The following GAS2 variants were observed in gnomAD, a reference collection of about 807,000 sequenced individuals.
GAS2 encodes the protein growth arrest-specific protein 2.
GAS2 carries 20 observed loss-of-function variants against 37.5 expected under a neutral mutation model. The observed-to-expected ratio is 0.53, with a 90% confidence interval of 0.37 to 0.77. The LOEUF (loss-of-function observed/expected upper bound fraction) is 0.77. GAS2 is among the 30% of genes least tolerant of loss of function. The pLI is 0.00. For missense variants in GAS2, 336 were observed against 373.4 expected, an observed-to-expected ratio of 0.90 and a Z score of 0.82; for synonymous variants, 144 against 132.2, an observed-to-expected ratio of 1.09 and a Z score of -0.61.
At chr11:22,704,433 G>T (rs1851000071) in intron 3 of GAS2, among the ~76,000 whole-genome samples, 1 of 151,250 alleles carries the variant, frequency 6.6e-6, no homozygotes, top group African/African-American at 2.4e-5. Context: ...AAGTAGAGAA[G>T]AGAGTAAACC....
chr11:22,684,519 C>A (rs947350563), intron 2 of GAS2, among the ~76,000 whole-genome samples: 4 of 151,888 alleles, frequency 2.6e-5, no homozygotes, highest in Non-Finnish European at 4.4e-5. Context: ...AAAATTAAGG[C>A]AGGAAAATGG....
chr11:22,689,053 C>G (rs1251708729), intron 3 of GAS2, among the ~76,000 whole-genome samples: 2 of 152,024 alleles, frequency 1.3e-5, no homozygotes, highest in Non-Finnish European at 2.9e-5. Flanking sequence ...CAAATGGTCT[C>G]ACATATAAGT....
intron 3 of GAS2, among the ~76,000 whole-genome samples, chr11:22,689,717 C>T (rs1850144515): frequency 6.6e-6 from 1 of 152,042 alleles, no homozygotes; most frequent in Admixed American, 6.6e-5. Context: ...CACTACAACC[C>T]AGGTAATTAG....
intron 3 of GAS2, among the ~76,000 whole-genome samples, chr11:22,704,204 G>A (rs1462957516): frequency 6.6e-6 from 1 of 151,918 alleles, no homozygotes; most frequent in Non-Finnish European, 1.5e-5. Flanking sequence ...AAGTGCTTTT[G>A]TGCCATGTTC....
intron 7 of GAS2, among the ~76,000 whole-genome samples, chr11:22,796,385 C>CT (rs1856429774): frequency 6.6e-6 from 1 of 152,076 alleles, no homozygotes; most frequent in Non-Finnish European, 1.5e-5. Context: ...CTCTGTCACT[C>CT]TTAGTTACAA....
chr11:22,800,966 C>T (rs1856636621), intron 7 of GAS2, among the ~76,000 whole-genome samples: 1 of 151,740 alleles, frequency 6.6e-6, no homozygotes, highest in Admixed American at 6.6e-5. Flanking sequence ...TTTTCTGGCT[C>T]TCCTATGTGG....
intron 3 of GAS2, among the ~76,000 whole-genome samples, chr11:22,707,898 G>A (rs564658095): frequency 1.2e-4 from 19 of 152,270 alleles, no homozygotes; most frequent in South Asian, 6.2e-4. Flanking sequence ...TTAATCTGAG[G>A]TTGATGTGTA....
chr11:22,739,595 A>C (rs1852956435), intron 5 of GAS2, among the ~76,000 whole-genome samples: 1 of 142,900 alleles, frequency 7.0e-6, no homozygotes, highest in Non-Finnish European at 1.5e-5. Flanking sequence ...AAAAAAAAAA[A>C]AAGAAAGGGG....
chr11:22,658,579 C>G (rs571550311), intron 1 of GAS2, among the ~76,000 whole-genome samples: 1 of 152,234 alleles, frequency 6.6e-6, no homozygotes, highest in African/African-American at 2.4e-5. Flanking sequence ...TAGGGGGTTT[C>G]CTTGTCTGTT....
At chr11:22,681,985 G>A (rs567335430) in intron 2 of GAS2, among the ~76,000 whole-genome samples, 7 of 151,924 alleles carry the variant, frequency 4.6e-5, no homozygotes, top group East Asian at 1.9e-4. Flanking sequence ...ATCATTGGAA[G>A]GAAAATATGT....
chr11:22,726,680 T>C (rs1438413859), intron 4 of GAS2, among the ~76,000 whole-genome samples: 2 of 152,120 alleles, frequency 1.3e-5, no homozygotes, highest in East Asian at 3.9e-4. Flanking sequence ...AGCAGAATTC[T>C]TTCCAAGCTA....
At chr11:22,768,582 A>G (rs1457268488) in intron 7 of GAS2, among the ~76,000 whole-genome samples, 1 of 151,906 alleles carries the variant, frequency 6.6e-6, no homozygotes, top group Non-Finnish European at 1.5e-5. Flanking sequence ...GGGACCACAA[A>G]CTCCGTGGGA....
intron 3 of GAS2, among the ~76,000 whole-genome samples, chr11:22,722,195 G>T (rs374421074): frequency 2.0e-4 from 31 of 151,950 alleles, no homozygotes; most frequent in African/African-American, 7.2e-4. Context: ...ATTTTTTTCT[G>T]TTTATTGCCA....
intron 3 of GAS2, among the ~76,000 whole-genome samples, chr11:22,712,331 C>T (rs559314832): frequency 2.6e-5 from 4 of 152,282 alleles, no homozygotes; most frequent in African/African-American, 4.8e-5. Flanking sequence ...GAGCAGGTTC[C>T]GGCATCCACA....
chr11:22,713,050 G>A (rs1417008064), intron 3 of GAS2, among the ~76,000 whole-genome samples: 2 of 136,338 alleles, frequency 1.5e-5, no homozygotes, highest in East Asian at 4.1e-4. Context: ...CTGATCAGCA[G>A]GGTGAGACTG....
intron 5 of GAS2, among the ~76,000 whole-genome samples, chr11:22,740,308 G>C (rs772248974): frequency 1.5e-4 from 23 of 152,120 alleles, no homozygotes; most frequent in Non-Finnish European, 2.5e-4. Flanking sequence ...GATAAAAGCA[G>C]TGATTATTCA....
chr11:22,693,572 C>T (rs751681659), intron 3 of GAS2, among the ~76,000 whole-genome samples: 3 of 152,082 alleles, frequency 2.0e-5, no homozygotes, highest in Non-Finnish European at 4.4e-5. Flanking sequence ...GAACTTATTC[C>T]ATGTGTCAAG....
intron 7 of GAS2, among the ~76,000 whole-genome samples, chr11:22,802,247 G>A (rs958500910): frequency 4.0e-5 from 6 of 151,648 alleles, no homozygotes; most frequent in African/African-American, 1.2e-4. Flanking sequence ...TCACAGGTGG[G>A]AATTGAACAA....
chr11:22,811,803 G>A lies in GAS2; in HGVS notation c.729G>A (p.Leu243=). The change falls in exon 8 of 8, where the codon CTG becomes CTA. Residue 243 remains leucine, a synonymous_variant. Coordinates refer to ENST00000454584, the MANE Select transcript of GAS2 (RefSeq NM_001143830.3). ...VGEKILFIRM[L]HNKHVMVRVG... ...TTGATATTTTTTCATTTCAGATGCT[G>A]CACAACAAACATGTCATGGTCCGTG... The A allele has an allele frequency of 6.2e-6, 10 of 1,613,972 alleles. No individual in the cohort carries two copies. The highest frequency in any genetic ancestry group is 8.5e-6 in the Non-Finnish European group (10 of 1,179,892).
Sources: allele counts gnomAD v4.1 joint callset (sites outside exome capture counted in the v4.1 genomes callset), GRCh38; gene constraint gnomAD v4.1.1; transcripts MANE v1.5; gene names NCBI Gene and HGNC (gene_info 2026-07-23, HGNC 2026-07-21).